STK39: variants seen among roughly 807,000 people sequenced by gnomAD.
The protein encoded by STK39 is STE20/SPS1-related proline-alanine-rich protein kinase.
Under a neutral mutation model 77.8 loss-of-function variants are expected in STK39, and 20 were observed. The observed-to-expected ratio is 0.26, with a 90% CI of 0.18 to 0.37. STK39 has a LOEUF of 0.37. STK39 is among the 10% of genes least tolerant of loss of function. The pLI is 1.00. For synonymous variants in STK39, 246 were observed against 234.1 expected, an observed-to-expected ratio of 1.05 and a Z score of -0.47; for missense variants, 479 against 656.5, an observed-to-expected ratio of 0.73 and a Z score of 2.95.
At chr2:167,961,584 A>G (rs1426270349) in intron 17 of STK39, among the ~76,000 whole-genome samples, 1 of 151,078 alleles carries the variant, frequency 6.6e-6, no homozygotes, top group Non-Finnish European at 1.5e-5. Flanking sequence ...AAACACTACT[A>G]AAAAAAAATA....
chr2:168,124,915 T>C (rs113263454), intron 10 of STK39, among the ~76,000 whole-genome samples: 2,880 of 150,898 alleles, frequency 0.019, 31 homozygotes, highest in Non-Finnish European at 0.031. Flanking sequence ...TGAGTGGGAG[T>C]TGAACAATGA....
intron 1 of STK39, among the ~76,000 whole-genome samples, chr2:168,207,248 T>A (rs1689765197): frequency 6.6e-6 from 1 of 152,278 alleles, no homozygotes; most frequent in South Asian, 2.1e-4. Context: ...TTCTCCTTTT[T>A]TGTTGTTGCA....
chr2:168,011,760 C>A (rs966723347), intron 16 of STK39, among the ~76,000 whole-genome samples: 3 of 152,112 alleles, frequency 2.0e-5, no homozygotes, highest in Admixed American at 2.0e-4. Flanking sequence ...GGTAGAAAGA[C>A]CCACAGTTTC....
At chr2:168,136,446 T>C (rs1312098379) in intron 8 of STK39, among the ~76,000 whole-genome samples, 2 of 151,714 alleles carry the variant, frequency 1.3e-5, no homozygotes, top group Non-Finnish European at 2.9e-5. Context: ...TTTGACCAAA[T>C]CACATACAAA....
chr2:168,003,153 T>G (rs1362756369), intron 16 of STK39, among the ~76,000 whole-genome samples: 2 of 152,128 alleles, frequency 1.3e-5, no homozygotes, highest in Non-Finnish European at 2.9e-5. Flanking sequence ...AATTTTTGTA[T>G]TTTTAGTAGT....
At chr2:168,069,198 G>A (rs1013453334) in intron 12 of STK39, among the ~76,000 whole-genome samples, 8 of 152,342 alleles carry the variant, frequency 5.3e-5, no homozygotes, top group South Asian at 2.1e-4. Flanking sequence ...TTACAGGCAT[G>A]AGCCACTGCG....
chr2:168,166,763 A>C (rs1269837929), intron 3 of STK39, among the ~76,000 whole-genome samples: 1 of 152,230 alleles, frequency 6.6e-6, no homozygotes, highest in Non-Finnish European at 1.5e-5. Flanking sequence ...TAAAAAGTAG[A>C]TAGCAGCACC....
chr2:167,985,780 T>A (rs928552106), intron 16 of STK39, among the ~76,000 whole-genome samples: 3 of 152,160 alleles, frequency 2.0e-5, no homozygotes, highest in Non-Finnish European at 2.9e-5. Context: ...AATCAAAACA[T>A]TTATTCAACA....
At chr2:168,231,800 T>C (rs951833156) in intron 1 of STK39, 2 of 214,560 alleles carry the variant, frequency 9.3e-6, no homozygotes, top group African/African-American at 4.6e-5. Context: ...AAAGTGCCAG[T>C]ATACTAGCAG....
intron 1 of STK39, among the ~76,000 whole-genome samples, chr2:168,234,222 G>A (rs1656139648): frequency 6.6e-6 from 1 of 152,096 alleles, no homozygotes; most frequent in Non-Finnish European, 1.5e-5. Flanking sequence ...TTACCATCCA[G>A]CACCACCCCA....
intron 17 of STK39, among the ~76,000 whole-genome samples, chr2:167,960,342 C>T (rs1691915687): frequency 6.9e-6 from 1 of 145,794 alleles, no homozygotes; most frequent in Non-Finnish European, 1.5e-5. Context: ...TCATCCAACT[C>T]AATATATGTG....
chr2:168,224,212 A>T (rs941890654), intron 1 of STK39, among the ~76,000 whole-genome samples: 2 of 152,068 alleles, frequency 1.3e-5, no homozygotes, highest in Non-Finnish European at 2.9e-5. Flanking sequence ...AAAAACAAAC[A>T]ACAAAAAAAA....
intron 10 of STK39, among the ~76,000 whole-genome samples, chr2:168,120,187 C>A (rs920660756): frequency 1.3e-5 from 2 of 152,160 alleles, no homozygotes; most frequent in Non-Finnish European, 2.9e-5. Flanking sequence ...TCTGGCCTAA[C>A]CTATTTAACA....
intron 14 of STK39, among the ~76,000 whole-genome samples, chr2:168,029,881 G>A (rs1287552984): frequency 1.3e-5 from 2 of 152,142 alleles, no homozygotes; most frequent in African/African-American, 2.4e-5. Flanking sequence ...GTGGGTTGCT[G>A]GATGTGGCAA....
chr2:168,140,171 G>A (rs756001937), intron 7 of STK39, 118 bp downstream of exon 7: 14 of 850,828 alleles, frequency 1.6e-5, no homozygotes, highest in South Asian at 7.6e-5. Context: ...ACTTGGCTGC[G>A]TTCCTCCATT....
At chr2:168,090,003 T>C (rs1284500470) in intron 10 of STK39, among the ~76,000 whole-genome samples, 2 of 152,252 alleles carry the variant, frequency 1.3e-5, no homozygotes, top group Non-Finnish European at 2.9e-5. Context: ...GAATGCATAG[T>C]AATGTAAAGA....
chr2:168,167,113 A>G (rs1289255232), intron 3 of STK39, among the ~76,000 whole-genome samples, 186 bp downstream of exon 3: 1 of 152,200 alleles, frequency 6.6e-6, no homozygotes, highest in Non-Finnish European at 1.5e-5. Context: ...GAAGTTAAGC[A>G]AAATTATGAA....
At chr2:168,033,455 C>G (rs1012433248) in intron 14 of STK39, among the ~76,000 whole-genome samples, 1 of 152,168 alleles carries the variant, frequency 6.6e-6, no homozygotes, top group African/African-American at 2.4e-5. Context: ...TCAGCTCAGA[C>G]AAGACTCAAT....
intron 14 of STK39, among the ~76,000 whole-genome samples, chr2:168,018,818 G>C (rs780922970): frequency 3.3e-5 from 5 of 152,094 alleles, no homozygotes; most frequent in Non-Finnish European, 5.9e-5. Flanking sequence ...TCCACAGCCT[G>C]ATTTTGGTTC....
Sources: gnomAD v4.1 joint callset for allele counts (sites outside exome capture counted in the v4.1 genomes callset) on GRCh38, gnomAD v4.1.1 for gene constraint, MANE v1.5 for transcripts, NCBI Gene and HGNC (gene_info 2026-07-23, HGNC 2026-07-21) for gene names.